GLI3: variants seen among roughly 807,000 people sequenced by gnomAD.
The protein encoded by GLI3 is GLI family zinc finger 3.
A neutral mutation model predicts 100.8 loss-of-function variants in GLI3; 20 were observed. The observed-to-expected ratio is 0.20, with a 90% CI of 0.14 to 0.29. The LOEUF (loss-of-function observed/expected upper bound fraction) is 0.29, where lower values mean the gene tolerates loss of function less well. Among genes scored for constraint, GLI3 ranks in the 10% least tolerant of loss-of-function variants. The probability of loss-of-function intolerance (pLI) is 1.00; values close to 1 mark genes in which losing one functional copy is unlikely to be tolerated. For synonymous variants in GLI3, 938 were observed against 860.5 expected, an observed-to-expected ratio of 1.09 and a Z score of -1.58; for missense variants, 2,040 against 2,128.5, an observed-to-expected ratio of 0.96 and a Z score of 0.82.
At chr7:41,982,908 C>A (rs893974798) in intron 10 of GLI3, among the ~76,000 whole-genome samples, 3 of 152,074 alleles carry the variant, frequency 2.0e-5, no homozygotes, top group African/African-American at 7.2e-5. Flanking sequence ...TGAATTAGAT[C>A]AGGTGTTGGC....
intron 4 of GLI3, among the ~76,000 whole-genome samples, chr7:42,049,489 C>T (rs933298019): frequency 2.0e-5 from 3 of 152,130 alleles, no homozygotes; most frequent in East Asian, 1.9e-4. Flanking sequence ...TAAGTGCTCC[C>T]GGGTTAGAAA....
intron 10 of GLI3, among the ~76,000 whole-genome samples, chr7:41,998,858 C>T (rs1788205256): frequency 6.6e-6 from 1 of 152,208 alleles, no homozygotes; most frequent in South Asian, 2.1e-4. Context: ...GCATCTTTCT[C>T]TTCTGCTAAA....
At chr7:42,116,128 T>A (rs1228171677) in intron 3 of GLI3, among the ~76,000 whole-genome samples, 1 of 152,082 alleles carries the variant, frequency 6.6e-6, no homozygotes, top group African/African-American at 2.4e-5. Context: ...AGACCTATCT[T>A]GACAGAAGCC....
At chr7:42,071,120 G>A (rs1422123887) in intron 4 of GLI3, among the ~76,000 whole-genome samples, 1 of 152,120 alleles carries the variant, frequency 6.6e-6, no homozygotes, top group Non-Finnish European at 1.5e-5. Context: ...CATATGTAGA[G>A]CATGGGCTCA....
intron 2 of GLI3, among the ~76,000 whole-genome samples, chr7:42,159,686 C>T (rs1031618753): frequency 4.6e-5 from 7 of 152,228 alleles, no homozygotes; most frequent in Admixed American, 3.3e-4. Flanking sequence ...AATAAAAATA[C>T]AGCAGTGCTT....
At chr7:42,168,372 C>T (rs546001560) in intron 2 of GLI3, among the ~76,000 whole-genome samples, 1 of 152,230 alleles carries the variant, frequency 6.6e-6, no homozygotes, top group African/African-American at 2.4e-5. Context: ...TGTTCTACTC[C>T]CAACACCAGG....
chr7:42,068,618 G>A (rs76998018), intron 4 of GLI3, among the ~76,000 whole-genome samples: 2 of 152,098 alleles, frequency 1.3e-5, no homozygotes, highest in African/African-American at 2.4e-5. Context: ...GATTTTCCCC[G>A]GGGCAGGGAT....
chr7:42,036,436 G>T (rs1224242597), intron 7 of GLI3, among the ~76,000 whole-genome samples: 2 of 152,192 alleles, frequency 1.3e-5, no homozygotes, highest in Non-Finnish European at 2.9e-5. Context: ...GTTGAAACAA[G>T]AGGTACACAG....
intron 10 of GLI3, among the ~76,000 whole-genome samples, chr7:42,022,955 A>T (rs1788985435): frequency 6.6e-6 from 1 of 152,192 alleles, no homozygotes; most frequent in African/African-American, 2.4e-5. Flanking sequence ...TGAAACTACT[A>T]ACCCCACAAG....
chr7:42,254,268 T>C (rs1419838390), intron 1 of GLI3, among the ~76,000 whole-genome samples: 1 of 145,348 alleles, frequency 6.9e-6, no homozygotes, highest in African/African-American at 2.5e-5. Flanking sequence ...TGGGCACGAA[T>C]GTAGGGTGAA....
chr7:42,020,884 C>T (rs909134731), intron 10 of GLI3, among the ~76,000 whole-genome samples: 12 of 118,258 alleles, frequency 1.0e-4, no homozygotes, highest in African/African-American at 2.1e-4. Context: ...AGCGAGACTC[C>T]GTCTCAAAAA....
intron 3 of GLI3, among the ~76,000 whole-genome samples, chr7:42,090,550 G>T (rs1034314036): frequency 3.3e-5 from 5 of 152,098 alleles, no homozygotes; most frequent in Non-Finnish European, 7.4e-5. Context: ...CTTTATGTGG[G>T]TGTCTTCAGC....
rs1478502813 is a variant in GLI3, at chr7:41,964,442, G to A, written c.4631C>T (p.Ser1544Phe). Residue 1544 changes from serine (S) to phenylalanine (F), a missense_variant, in exon 15 of 15, where the codon TCC (serine) becomes TTC (phenylalanine). Ser to Phe is a radical substitution (Grantham distance 155). Transcript: ENST00000395925. ...CATGGACAGCGCTGGGAATGGGAGG[G>A]ACGCCCGAGGCGTGGTGAGGCGGGA... ...SSSRLTTPRASLPFPALSMST... is the reference protein window; with the variant it reads ...SSSRLTTPRAFLPFPALSMST... The A allele has an allele frequency of 2.5e-6, 4 of 1,614,034 alleles. No individual in the cohort carries two copies. The highest frequency in any genetic ancestry group is 1.6e-4 in the Middle Eastern group (1 of 6,084).
At chr7:42,241,268 A>C (rs1178565208), upstream of GLI3, among the ~76,000 whole-genome samples, 1 of 152,178 alleles carries the variant, frequency 6.6e-6, no homozygotes. Context: ...CTGCATTTTC[A>C]TAATCAATCT....
intron 2 of GLI3, among the ~76,000 whole-genome samples, chr7:42,213,092 G>A (rs545632794): frequency 6.6e-6 from 1 of 152,194 alleles, no homozygotes; most frequent in Non-Finnish European, 1.5e-5. Context: ...GTCACCATGT[G>A]GGGAGGGAAA....
chr7:42,195,635 G>A (rs1377241218), intron 2 of GLI3, among the ~76,000 whole-genome samples: 1 of 152,106 alleles, frequency 6.6e-6, no homozygotes, highest in Non-Finnish European at 1.5e-5. Flanking sequence ...TTGCTCTATT[G>A]CGGCAATCAT....
intron 3 of GLI3, among the ~76,000 whole-genome samples, chr7:42,140,928 GGA>G (rs1232200949): frequency 1.3e-5 from 2 of 152,134 alleles, no homozygotes; most frequent in Non-Finnish European, 1.5e-5. Flanking sequence ...ACTCTAGGAG[GGA>G]AGGAAGGAAG....
At chr7:41,983,513 G>A (rs892628237) in intron 10 of GLI3, among the ~76,000 whole-genome samples, 1 of 152,168 alleles carries the variant, frequency 6.6e-6, no homozygotes, top group Non-Finnish European at 1.5e-5. Flanking sequence ...CAATGGGCAC[G>A]AGTTTATTTG....
intron 4 of GLI3, among the ~76,000 whole-genome samples, chr7:42,057,667 A>G (rs1784490800): frequency 6.6e-6 from 1 of 152,236 alleles, no homozygotes; most frequent in African/African-American, 2.4e-5. Flanking sequence ...TCTCACAAAC[A>G]TAATGATGGA....
Sources: gnomAD v4.1 joint callset for allele counts (sites outside exome capture counted in the v4.1 genomes callset) on GRCh38, gnomAD v4.1.1 for gene constraint, MANE v1.5 for transcripts, NCBI Gene and HGNC (gene_info 2026-07-23, HGNC 2026-07-21) for gene names.